DPYSL4: variants seen among roughly 807,000 people sequenced by gnomAD.
The protein encoded by DPYSL4 is dihydropyrimidinase like 4, also known as dihydropyrimidinase-related protein 4.
Under a neutral mutation model 63.4 loss-of-function variants are expected in DPYSL4, and 43 were observed. The ratio of observed to expected loss-of-function variants is 0.68; its 90% CI spans 0.53 to 0.88. The LOEUF (loss-of-function observed/expected upper bound fraction) is 0.88, where lower values mean the gene tolerates loss of function less well. Ranked by LOEUF, DPYSL4 falls within the 40% of genes least tolerant of loss-of-function variation. The probability of loss-of-function intolerance (pLI) is 0.00; values close to 1 mark genes in which losing one functional copy is unlikely to be tolerated. For synonymous variants in DPYSL4, 353 were observed against 331.7 expected (o/e 1.06, Z -0.70); for missense variants, 733 against 819.5 (o/e 0.89, Z 1.29).
chr10:132,200,247 C>G (rs2061994913), intron 8 of DPYSL4, 109 bp from the exon 9 acceptor site: 1 of 1,400,912 alleles, frequency 7.1e-7, no homozygotes, highest in East Asian at 2.3e-5. Flanking sequence ...ACAAGCTGTC[C>G]CAGGCAAGGA....
At position 132,203,146 on chromosome 10, in the gene DPYSL4, TC is replaced by T. The variant is rs200911329; in HGVS notation, c.1461+325del. Among the ~76,000 whole-genome samples the T allele has an allele frequency of 3.7e-3, 566 of 152,294 alleles. 4 individuals are homozygous for T. The highest frequency in any genetic ancestry group is 0.013 in the African/African-American group (529 of 41,560). On this transcript the variant is annotated intron_variant, in intron 12 of 13. Coordinates refer to ENST00000338492, the MANE Select transcript of DPYSL4 (RefSeq NM_006426.3). Reference sequence around the variant, plus strand: ...GATATAAAGTGAGCAGAAATCTAGCTCCCCACGGGAGCTGCCCAGTTGGACC... The same window carrying T: ...GATATAAAGTGAGCAGAAATCTAGCTCCCACGGGAGCTGCCCAGTTGGACC...
rs151011717 is a variant in DPYSL4 at position 132,192,868 on chromosome 10, C to T, written c.313+26C>T. 7.3e-4 allele frequency: 1,155 copies of T among 1,572,854 alleles called. 6 individuals are homozygous for T. The African/African-American group carries it at 0.013, about 17-fold the overall frequency. ...GTGAGTGTCTGGGTCTCCTCCTCTA[C>T]AGGGGGCAGCCAGCGTCTGCTGCCC... On this transcript the variant is annotated intron_variant, in intron 3 of 13. Transcript: ENST00000338492.
chr10:132,204,393 C>T (rs1470362408), intron 13 of DPYSL4, among the ~76,000 whole-genome samples: 2 of 152,154 alleles, frequency 1.3e-5, no homozygotes, highest in Admixed American at 6.5e-5. Context: ...CAGGGTCCGG[C>T]CTCTGGCGTC....
In DPYSL4 at chr10:132,190,855, GAA is replaced by G. The variant is rs780515149; in HGVS notation, c.128+23_128+24del. The G allele has an allele frequency of 1.2e-4, 188 of 1,610,462 alleles. 1 individual carries two copies. The African/African-American group carries it at 2.2e-3, about 19-fold the overall frequency. ...GATAAAGTAAGTTTCCGCCGAAAAT[GAA>G]AATACGTTCCCAGCTCGTGTGTACA... On this transcript the variant is annotated intron_variant, in intron 2 of 13. Transcript: ENST00000338492.
Position 132,187,012 on chromosome 10 carries a change from C to CCCCCCCT in DPYSL4, c.-52_-51insCCCCCCT. On this transcript the variant is annotated 5_prime_UTR_variant, in exon 1 of 14. Coordinates refer to ENST00000338492, the MANE Select transcript of DPYSL4 (RefSeq NM_006426.3). ...TCACGCGTCCCCCCGCCCGCCCGCCCGCCCGCCCGCCCCCGCTTGTGCCGC... is the reference window on the plus strand; with the variant it reads ...TCACGCGTCCCCCCGCCCGCCCGCCCCCCCCCTGCCCGCCCGCCCCCGCTTGTGCCGC... 2 of 222,370 alleles carry CCCCCCCT rather than the reference C, an allele frequency of 9.0e-6. No individual in the cohort carries two copies. Among genetic ancestry groups the CCCCCCCT allele is most frequent in the Non-Finnish European group, 2.0e-5 (2 of 102,238 alleles). 13.8% of individuals were successfully genotyped at this position (222,370 alleles called of 1,614,324 possible).
chr10:132,189,312 C>CT (rs2061843637), intron 1 of DPYSL4, among the ~76,000 whole-genome samples: 1 of 150,976 alleles, frequency 6.6e-6, no homozygotes, highest in African/African-American at 2.4e-5. Flanking sequence ...CCTTTCACTC[C>CT]TTTTTTGTGT....
intron 6 of DPYSL4, among the ~76,000 whole-genome samples, chr10:132,197,490 C>CA: frequency 6.6e-6 from 1 of 152,358 alleles, no homozygotes; most frequent in East Asian, 1.9e-4. Context: ...CCTTCAGACA[C>CA]ATCCCACCGG....
chr10:132,192,735 G>A lies in DPYSL4; in HGVS notation c.206G>A (p.Gly69Asp). ...DAHGLMVLPG[G>D]VDVHTRLQMP... ...CACGGCCTGATGGTCCTTCCTGGTG[G>A]CGTTGACGTCCACACAAGGCTGCAG... is the stretch of plus-strand genomic sequence containing the variant. Residue 69 changes from glycine to aspartate, a missense_variant, in exon 3 of 14, where the codon GGC (glycine) becomes GAC (aspartate). Coordinates refer to ENST00000338492, the MANE Select transcript of DPYSL4 (RefSeq NM_006426.3). 1.2e-6 allele frequency: 2 copies of A among 1,613,454 alleles called. No individual in the cohort carries two copies. Among genetic ancestry groups the A allele is most frequent in the Non-Finnish European group, 1.7e-6 (2 of 1,179,980 alleles).
In DPYSL4 at chr10:132,194,959, G is replaced by C; in HGVS notation, c.428G>C (p.Arg143Pro). The part of the protein sequence containing the change: ...CDYSLHVDIT[R>P]WHESIKEELE... ...TACTCCCTGCACGTGGACATCACCC[G>C]ATGGCATGAGAGCATCAAGGAGGAG... The change falls in exon 4 of 14, where the codon CGA (arginine) becomes CCA (proline). Residue 143 changes from arginine to proline, a missense_variant. By Grantham distance (103) the Arg-to-Pro change is moderately radical (BLOSUM62 -2). Transcript: ENST00000338492. 1 of 1,610,728 alleles carries C rather than the reference G, an allele frequency of 6.2e-7. No individual in the cohort carries two copies. Among genetic ancestry groups the C allele is most frequent in the Non-Finnish European group, 8.5e-7 (1 of 1,179,900 alleles).
At chr10:132,193,580 A>C (rs1380146764) in intron 3 of DPYSL4, among the ~76,000 whole-genome samples, 1 of 151,968 alleles carries the variant, frequency 6.6e-6, no homozygotes, top group Non-Finnish European at 1.5e-5. Flanking sequence ...GGTGCCATTC[A>C]CTCTGCGGCG....
chr10:132,195,731 C>T (rs968909326), intron 4 of DPYSL4, among the ~76,000 whole-genome samples: 1 of 152,210 alleles, frequency 6.6e-6, no homozygotes, highest in South Asian at 2.1e-4. Flanking sequence ...GGACCCCTCA[C>T]CTCCCTGCCC....
intron 8 of DPYSL4, among the ~76,000 whole-genome samples, 174 bp from the exon 9 acceptor site, chr10:132,200,182 G>A (rs908634881): frequency 7.9e-5 from 12 of 152,320 alleles, no homozygotes; most frequent in Middle Eastern, 3.4e-3. Context: ...ACGTCTGCCC[G>A]CGACCCAGGC....
intron 3 of DPYSL4, among the ~76,000 whole-genome samples, chr10:132,193,641 C>A (rs189679910): frequency 2.0e-4 from 31 of 152,360 alleles, no homozygotes; most frequent in Admixed American, 3.3e-4. Context: ...TCTGAGGAGC[C>A]TAGCTGAACC....
intron 8 of DPYSL4, 122 bp downstream of exon 8, chr10:132,199,093 C>A: frequency 7.2e-7 from 1 of 1,393,162 alleles, no homozygotes; most frequent in South Asian, 1.5e-5. Flanking sequence ...ACCCTGAGTC[C>A]CTGCATCGGG....
At chr10:132,202,556 T>C in intron 11 of DPYSL4, 90 bp from the exon 12 acceptor site, 2 of 1,536,590 alleles carry the variant, frequency 1.3e-6, no homozygotes, top group Non-Finnish European at 1.8e-6. Flanking sequence ...TGCTCCACGC[T>C]GGGCGGCCAC....
At chr10:132,196,608 G>A (rs2061948281) in intron 4 of DPYSL4, among the ~76,000 whole-genome samples, 1 of 152,252 alleles carries the variant, frequency 6.6e-6, no homozygotes. Context: ...CCGCTGGGTG[G>A]ACAATCAGTT....
Position 132,198,880 on chromosome 10 carries a change from C to A in DPYSL4, c.720C>A (p.Val240=). The A allele has an allele frequency of 6.2e-7, 1 of 1,612,998 alleles. No individual in the cohort carries two copies. The change falls in exon 8 of 14, where the codon GTC becomes GTA. Residue 240 remains valine (V), a synonymous_variant. Transcript: ENST00000338492. The part of the protein sequence containing the change: ...EVEAEAVYRA[V]TIAKQANCPL... Reference sequence around the variant, plus strand: ...AGGCTGAGGCGGTGTACCGAGCTGTCACCATCGCCAAGCAGGCAAACTGCC... The same window carrying A: ...AGGCTGAGGCGGTGTACCGAGCTGTAACCATCGCCAAGCAGGCAAACTGCC...
chr10:132,202,611 G>A (rs2637629), intron 11 of DPYSL4, 35 bp from the exon 12 acceptor site: 1,088,897 of 1,607,238 alleles, frequency 0.68, 372,238 homozygotes, highest in East Asian at 0.95. Context: ...GGGCCCCAGC[G>A]TGGAGGCACT....
chr10:132,192,909 TGTG>T (rs2061896391), intron 3 of DPYSL4, 67 bp downstream of exon 3: 11 of 1,477,788 alleles, frequency 7.4e-6, no homozygotes, highest in Non-Finnish European at 1.0e-5. Context: ...TCTGGCCAGG[TGTG>T]TGTGGGAGGA....
Sources: allele counts gnomAD v4.1 joint callset (sites outside exome capture counted in the v4.1 genomes callset), GRCh38; gene constraint gnomAD v4.1.1; transcripts MANE v1.5; gene names NCBI Gene and HGNC (gene_info 2026-07-23, HGNC 2026-07-21).